Variants in IGSF9 observed in about 807,000 individuals in gnomAD.
The protein encoded by IGSF9 is protein turtle homolog A.
Under a neutral mutation model 121.7 loss-of-function variants are expected in IGSF9, and 87 were observed. The ratio of observed to expected loss-of-function variants is 0.71; its 90% CI spans 0.60 to 0.85. IGSF9 has a LOEUF of 0.85. IGSF9 is among the 40% of genes least tolerant of loss of function. IGSF9 has a pLI of 0.00. For missense variants in IGSF9, 1,462 were observed against 1,565.3 expected (o/e 0.93, Z 1.11); for synonymous variants, 640 against 648.4 (o/e 0.99, Z 0.20).
Position 159,930,414 on chromosome 1 carries a change from G to A in IGSF9, c.1839C>T (p.Pro613=), listed in dbSNP as rs371011057. The change falls in exon 15 of 21, where the codon CCC becomes CCT. Residue 613 remains proline, a synonymous_variant. Transcript: ENST00000368094. ...GCGGTATCTCTGTTGGGGGAAGCCC[G>A]GGTGCAGCTGGCGTGGTAGGAAGCC... The part of the protein sequence containing the change: ...PEGLPTTPAA[P]GLPPTEIPPP... The A allele has an allele frequency of 1.0e-5, 16 of 1,544,774 alleles. No individual in the cohort carries two copies. In the South Asian group the frequency reaches 1.2e-4, roughly 12 times the overall value.
rs931230219 is a variant in IGSF9 at position 159,929,922 on chromosome 1, G to C, written c.2118C>G (p.Asp706Glu). 1 of 1,577,644 alleles carries C rather than the reference G, an allele frequency of 6.3e-7. No homozygotes were observed. Among genetic ancestry groups the C allele is most frequent in the African/African-American group, 1.3e-5 (1 of 74,110 alleles). Residue 706 changes from aspartate to glutamate, a missense_variant, in exon 16 of 21, where the codon GAC becomes GAG. By Grantham distance (45) the Asp-to-Glu change is conservative. This residue lies in a region of IGSF9 where 808 missense variants were observed against 815.2 expected (regional missense o/e 0.99). Coordinates refer to ENST00000368094, the MANE Select transcript of IGSF9 (RefSeq NM_001135050.2). ...LVAFAGSFVS[D>E]PSNTANVSTS... ...TGGAGACGTTGGCCGTGTTGCTGGG[G>C]TCGCTGACGAAGCTGCCCGCGAAGG... is the stretch of plus-strand genomic sequence containing the variant.
At position 159,928,485 on chromosome 1, in the gene IGSF9, C is replaced by G; in HGVS notation, c.2903G>C (p.Arg968Pro). The change falls in exon 19 of 21, where the codon CGT becomes CCT. Residue 968 changes from arginine to proline, a missense_variant. Coordinates refer to ENST00000368094, the MANE Select transcript of IGSF9 (RefSeq NM_001135050.2). ...TRRCPTSSFL[R>P]SPETPPVSPR... ...GGATACAGGAGGGGTTTCTGGAGAA[C>G]GAAGGAAAGATGAGGTGGGACAGCG... 1 of 1,585,356 alleles carries G rather than the reference C, an allele frequency of 6.3e-7. No homozygotes were observed. Among genetic ancestry groups the G allele is most frequent in the Non-Finnish European group, 8.6e-7 (1 of 1,163,354 alleles).
chr1:159,928,142 C>A lies in IGSF9; in HGVS notation c.3230+16G>T, dbSNP rs1650812414. On this transcript the variant is annotated intron_variant, in intron 19 of 20. Transcript: ENST00000368094. ...GGACTGAGGCGGAGGCAGGGATGGG[C>A]AGGGACTGCTCTCACCTCTTGCTGA... The A allele has an allele frequency of 1.2e-6, 2 of 1,601,374 alleles. No individual in the cohort carries two copies. The highest frequency in any genetic ancestry group is 1.7e-6 in the Non-Finnish European group (2 of 1,178,826).
At chr1:159,935,873 T>TTTCTACAG (rs1247570715) in intron 6 of IGSF9, among the ~76,000 whole-genome samples, 3 of 152,172 alleles carry the variant, frequency 2.0e-5, no homozygotes, top group Non-Finnish European at 4.4e-5. Context: ...CGGCACTGCC[T>TTTCTACAG]TTCTTACAGT....
At chr1:159,929,252 A>G in intron 18 of IGSF9, 99 bp downstream of exon 18, 1 of 1,470,924 alleles carries the variant, frequency 6.8e-7, no homozygotes, top group Non-Finnish European at 9.5e-7. Context: ...CCTCCCCAAC[A>G]CCCAACATCC....
chr1:159,940,184 G>A (rs1000658078), intron 3 of IGSF9, among the ~76,000 whole-genome samples: 2 of 152,196 alleles, frequency 1.3e-5, no homozygotes, highest in African/African-American at 2.4e-5. Flanking sequence ...CTCCAGACGC[G>A]GCGTGCTTTC....
In IGSF9 at chr1:159,937,643, C is replaced by T. The variant is rs377755738; in HGVS notation, c.400+43G>A. The stretch of plus-strand genomic sequence containing the variant: ...CCACCAGCCAGAGATCCCCATCCTC[C>T]TCCTCCCCGTCCTTCTCCACCACCT... On this transcript the variant is annotated intron_variant, in intron 4 of 20. Transcript: ENST00000368094. 7.1e-5 allele frequency: 113 copies of T among 1,596,198 alleles called. No homozygotes were observed. In the South Asian group the frequency reaches 8.4e-4, roughly 12 times the overall value.
Position 159,943,133 on chromosome 1 carries a change from A to ACC in IGSF9, c.75_76dup (p.Val26GlyfsTer106). 6.3e-7 allele frequency: 1 copy of ACC among 1,593,018 alleles called. No individual in the cohort carries two copies. Among genetic ancestry groups the ACC allele is most frequent in the Non-Finnish European group, 8.5e-7 (1 of 1,172,746 alleles). On this transcript the variant is annotated frameshift_variant, in exon 3 of 21. Transcript: ENST00000368094. LOFTEE classifies it high-confidence loss of function. ...CCCAGCCCGGCCCACCACCGATACCACCTCAGGCTTCCCTCGACCTGCATG... is the reference window on the plus strand; with the variant it reads ...CCCAGCCCGGCCCACCACCGATACCACCCCTCAGGCTTCCCTCGACCTGCATG...
Position 159,932,106 on chromosome 1 carries a change from GCT to G in IGSF9, c.1246-180_1246-179del, listed in dbSNP as rs1487952842. 3.5e-6 allele frequency: 2 copies of G among 577,762 alleles called. No homozygotes were observed. Among genetic ancestry groups the G allele is most frequent in the Non-Finnish European group, 6.1e-6 (2 of 328,276 alleles). The allele number at this position is 577,762 out of a possible 1,614,324, so 35.8% of individuals were successfully genotyped here. On this transcript the variant is annotated intron_variant, in intron 10 of 20. Coordinates refer to ENST00000368094, the MANE Select transcript of IGSF9 (RefSeq NM_001135050.2). The surrounding 1 kb of genome is among the most constrained non-coding windows in gnomAD (Gnocchi z 4.1). ...CTCTCCATCTCTCAATTCCTCTCTG[GCT>G]CTGTTTCTGTTCCCCAGTGGGTAGG...
At position 159,931,282 on chromosome 1, in the gene IGSF9, G is replaced by T; in HGVS notation, c.1514-21C>A. ...AGTGCCTAGGCAGGGGGGAATGGAG[G>T]GATGGTGGTCAGGGCCTGAGGGAGT... On this transcript the variant is annotated intron_variant, in intron 12 of 20. Transcript: ENST00000368094. This position sits in a 1 kb window ranked among gnomAD's most constrained non-coding sequence, Gnocchi z 4.8. 1 of 1,614,060 alleles carries T rather than the reference G, an allele frequency of 6.2e-7. No individual in the cohort carries two copies. Among genetic ancestry groups the T allele is most frequent in the Non-Finnish European group, 8.5e-7 (1 of 1,179,946 alleles).
chr1:159,933,084 C>G (rs1651055817), intron 9 of IGSF9: 2 of 158,470 alleles, frequency 1.3e-5, no homozygotes, highest in Admixed American at 1.2e-4. Flanking sequence ...CCTCACTCCC[C>G]CTGGTGAAAT....
rs1244421734 is a variant in IGSF9 at position 159,932,488 on chromosome 1, GC to G, written c.1245+23del. ...GCCATCTGACCCACTGTCACCACAG[GC>G]CCCCGCCCACCCCCGGCCTAACCTT... On this transcript the variant is annotated intron_variant, in intron 10 of 20. Coordinates refer to ENST00000368094, the MANE Select transcript of IGSF9 (RefSeq NM_001135050.2). The surrounding 1 kb of genome is among the most constrained non-coding windows in gnomAD (Gnocchi z 4.1). 1 of 1,612,300 alleles carries G rather than the reference GC, an allele frequency of 6.2e-7. No homozygotes were observed. Among genetic ancestry groups the G allele is most frequent in the African/African-American group, 1.3e-5 (1 of 74,762 alleles).
At chr1:159,928,039 C>A (rs2101872849) in intron 19 of IGSF9, 119 bp downstream of exon 19, 1 of 1,486,698 alleles carries the variant, frequency 6.7e-7, no homozygotes, top group Non-Finnish European at 9.1e-7. Context: ...CTAAAAGGGA[C>A]AAGTTTTCCC....
rs1421182059 is a variant in IGSF9 at position 159,930,724 on chromosome 1, G to C, written c.1781C>G (p.Pro594Arg). ...VLAQNKLGSGPFSEIVLSAPE... is the reference protein window; with the variant it reads ...VLAQNKLGSGRFSEIVLSAPE... ...AGCAGACAAGACGATTTCGCTGAAGGGACCACTCCCCAGCTTGTTCTGAGC... is the reference window on the plus strand; with the variant it reads ...AGCAGACAAGACGATTTCGCTGAAGCGACCACTCCCCAGCTTGTTCTGAGC... Residue 594 changes from proline to arginine, a missense_variant, in exon 14 of 21, where the codon CCC becomes CGC. Pro to Arg is a moderately radical substitution (Grantham distance 103). This residue lies in a region of IGSF9 where 808 missense variants were observed against 815.2 expected (regional missense o/e 0.99). Transcript: ENST00000368094. 2 of 1,614,092 alleles carry C rather than the reference G, an allele frequency of 1.2e-6. No homozygotes were observed. The highest frequency in any genetic ancestry group is 3.3e-5 in the Admixed American group (2 of 60,010).
At position 159,930,287 on chromosome 1, in the gene IGSF9, A is replaced by G; in HGVS notation, c.1966T>C (p.Tyr656His). The G allele has an allele frequency of 6.2e-7, 1 of 1,613,784 alleles. No homozygotes were observed. The change falls in exon 15 of 21, where the codon TAC becomes CAC. Residue 656 changes from tyrosine to histidine, a missense_variant. Physicochemically the swap from Tyr to His is moderately conservative, Grantham distance 83. This residue lies in a region of IGSF9 where 808 missense variants were observed against 815.2 expected (regional missense o/e 0.99). Transcript: ENST00000368094. The part of the protein sequence containing the change: ...PELVPKRLDG[Y>H]VLEGRQGSQG... ...GAGCCTTGCCGGCCTTCCAAGACGT[A>G]GCCATCCAGTCTCTTAGGGACCAGC... is the stretch of plus-strand genomic sequence containing the variant.
Position 159,932,365 on chromosome 1 carries a change from G to T in IGSF9, c.1245+147C>A. 1 of 823,390 alleles carries T rather than the reference G, an allele frequency of 1.2e-6. No individual in the cohort carries two copies. Among genetic ancestry groups the T allele is most frequent in the Non-Finnish European group, 1.9e-6 (1 of 524,670 alleles). 51.0% of individuals were successfully genotyped at this position (823,390 alleles called of 1,614,324 possible). A position where few individuals can be genotyped will look rare whatever the true frequency, so the allele number is the denominator to read the frequency against. ...GAAACCTCTGGGATGGCATCAGGCA[G>T]CTGCTGCCGTGGCCACCATGGGAAA... On this transcript the variant is annotated intron_variant, in intron 10 of 20. Coordinates refer to ENST00000368094, the MANE Select transcript of IGSF9 (RefSeq NM_001135050.2). The surrounding 1 kb of genome is among the most constrained non-coding windows in gnomAD (Gnocchi z 4.1).
chr1:159,941,459 A>G (rs1400664691), intron 3 of IGSF9, among the ~76,000 whole-genome samples: 1 of 152,222 alleles, frequency 6.6e-6, no homozygotes, highest in African/African-American at 2.4e-5. Context: ...AGGGGTGTGA[A>G]CAAAGGATAG....
rs1412628383 is a variant in IGSF9, at chr1:159,945,564, C to G, written c.-175+9G>C. On this transcript the variant is annotated intron_variant, in intron 1 of 20. Coordinates refer to ENST00000368094, the MANE Select transcript of IGSF9 (RefSeq NM_001135050.2). ...CACTTCTATACCTCCAGTACGCCCC[C>G]TCCCTCACCTGCTCCGCACCGCTCG... The G allele has an allele frequency of 6.6e-6, 1 of 152,414 alleles. No individual in the cohort carries two copies. The highest frequency in any genetic ancestry group is 1.5e-5 in the Non-Finnish European group (1 of 68,194). 9.4% of individuals were successfully genotyped at this position (152,414 alleles called of 1,614,324 possible).
At chr1:159,936,329 C>G (rs1225763709) in intron 6 of IGSF9, 70 bp downstream of exon 6, 2 of 1,358,872 alleles carry the variant, frequency 1.5e-6, no homozygotes, top group East Asian at 2.3e-5. Flanking sequence ...TGCTGTGAAC[C>G]AATTCAGCCA....
Sources: allele counts gnomAD v4.1 joint callset (sites outside exome capture counted in the v4.1 genomes callset), GRCh38; gene constraint gnomAD v4.1.1; regional missense constraint gnomAD v4.1.1; non-coding constraint Gnocchi (gnomAD v3.1); transcripts MANE v1.5; gene names NCBI Gene and HGNC (gene_info 2026-07-23, HGNC 2026-07-21).